The following PKD1L1 variants were observed in gnomAD, a reference collection of about 807,000 sequenced individuals.
The protein encoded by PKD1L1 is polycystin-1-like protein 1.
In PKD1L1, 236 loss-of-function variants were observed where a neutral mutation model predicts 323.4. That is an observed-to-expected ratio of 0.73 (90% CI 0.66 to 0.81). PKD1L1 has a LOEUF of 0.81. Ranked by LOEUF, PKD1L1 falls within the 40% of genes least tolerant of loss-of-function variation. The pLI, the probability that PKD1L1 is intolerant of heterozygous loss-of-function variation, is 0.00. For synonymous variants in PKD1L1, 1,344 were observed against 1,335.0 expected (o/e 1.01, Z -0.15); for missense variants, 3,320 against 3,508.0 (o/e 0.95, Z 1.35).
intron 7 of PKD1L1, among the ~76,000 whole-genome samples, chr7:47,918,146 T>C (rs1787467224): frequency 6.6e-6 from 1 of 152,232 alleles, no homozygotes; most frequent in African/African-American, 2.4e-5. Flanking sequence ...GAAAAAGACA[T>C]TTCATGTGAA....
At chr7:47,802,512 A>G (rs534851789) in intron 53 of PKD1L1, among the ~76,000 whole-genome samples, 56 of 152,188 alleles carry the variant, frequency 3.7e-4, no homozygotes, top group Admixed American at 1.9e-3. Context: ...CTGGAGCAGG[A>G]GACCTGTGCT....
chr7:47,817,602 C>T (rs1785047270), intron 46 of PKD1L1, among the ~76,000 whole-genome samples: 1 of 152,176 alleles, frequency 6.6e-6, no homozygotes, highest in Non-Finnish European at 1.5e-5. Flanking sequence ...GGCACGGTGG[C>T]TCAGGCCTAT....
In PKD1L1 at chr7:47,866,186, C is replaced by T. The variant is rs1428081515; in HGVS notation, c.4092+233G>A. 5.3e-5 allele frequency among the ~76,000 whole-genome samples: 8 copies of T among 152,328 alleles called. No individual in the cohort carries two copies. The South Asian group carries it at 8.3e-4, about 16-fold the overall frequency. ...ACTTCAGCAGAATTATCTGTAACAA[C>T]GATTGACTTGGTCATTCTCTCTTTT... On this transcript the variant is annotated intron_variant, in intron 25 of 56. Coordinates refer to ENST00000289672, the MANE Select transcript of PKD1L1 (RefSeq NM_138295.5).
At position 47,834,322 on chromosome 7, in the gene PKD1L1, C is replaced by T. The variant is rs1785410529; in HGVS notation, c.6174+17G>A. 1.2e-6 allele frequency: 2 copies of T among 1,611,170 alleles called. No individual in the cohort carries two copies. The highest frequency in any genetic ancestry group is 8.5e-7 in the Non-Finnish European group (1 of 1,177,470). On this transcript the variant is annotated intron_variant, in intron 40 of 56. Transcript: ENST00000289672. Reference sequence around the variant, plus strand: ...TCATGCTAGAAGATTAGCTGCTGCGCATAATGATTGATTTACCTTGCGTGG... The same window carrying T: ...TCATGCTAGAAGATTAGCTGCTGCGTATAATGATTGATTTACCTTGCGTGG...
At chr7:47,778,928 G>A (rs371027942) in intron 56 of PKD1L1, among the ~76,000 whole-genome samples, 8 of 152,246 alleles carry the variant, frequency 5.3e-5, no homozygotes, top group South Asian at 2.1e-4. Context: ...AGACACTGGC[G>A]ATCATATCGT....
chr7:47,866,305 A>C (rs1786167397), intron 25 of PKD1L1, 114 bp downstream of exon 25: 7 of 1,156,620 alleles, frequency 6.1e-6, no homozygotes, highest in Non-Finnish European at 8.5e-6. Context: ...TCTTGGTCTC[A>C]TTTCTTGCCT....
At chr7:47,880,470 G>T (rs964731425) in intron 21 of PKD1L1, among the ~76,000 whole-genome samples, 63 of 150,242 alleles carry the variant, frequency 4.2e-4, no homozygotes, top group African/African-American at 1.4e-3. Flanking sequence ...TTTTAGTAGA[G>T]ATGGGGTTTC....
At position 47,781,831 on chromosome 7, in the gene PKD1L1, T is replaced by G. The variant is rs554420030; in HGVS notation, c.8527-6665A>C. ...GTTCATGATCCATTTTGAATTATTT[T>G]TGTATATGGTATGAGGTATAGGTAC... On this transcript the variant is annotated intron_variant, in intron 56 of 56. Coordinates refer to ENST00000289672, the MANE Select transcript of PKD1L1 (RefSeq NM_138295.5). 4.6e-5 allele frequency among the ~76,000 whole-genome samples: 7 copies of G among 152,336 alleles called. No homozygotes were observed. In the South Asian group the frequency reaches 1.4e-3, roughly 32 times the overall value.
intron 8 of PKD1L1, among the ~76,000 whole-genome samples, chr7:47,910,335 C>CTTTTTTTT (rs764658101): frequency 7.3e-6 from 1 of 137,540 alleles, no homozygotes. Flanking sequence ...ATCTTACTTT[C>CTTTTTTTT]TTTTTTTTTT....
At chr7:47,837,631 A>G (rs893106681) in intron 36 of PKD1L1, among the ~76,000 whole-genome samples, 1 of 152,136 alleles carries the variant, frequency 6.6e-6, no homozygotes, top group Non-Finnish European at 1.5e-5. Flanking sequence ...TTCCCTGGCA[A>G]CATAGTTAAT....
intron 46 of PKD1L1, chr7:47,817,898 G>T: frequency 1.5e-6 from 1 of 676,082 alleles, no homozygotes; most frequent in Non-Finnish European, 2.1e-6. Context: ...GCATGTATGA[G>T]TAAAAGTCTA....
chr7:47,916,235 T>C (rs536105065), intron 7 of PKD1L1, among the ~76,000 whole-genome samples: 46 of 152,278 alleles, frequency 3.0e-4, no homozygotes, highest in African/African-American at 9.9e-4. Context: ...AACTGGAAAA[T>C]TGGACTATTT....
chr7:47,944,070 G>A (rs1055229680), intron 1 of PKD1L1, among the ~76,000 whole-genome samples: 1 of 152,170 alleles, frequency 6.6e-6, no homozygotes, highest in Non-Finnish European at 1.5e-5. Context: ...GAGAGGTTCC[G>A]TGCAGTTACT....
In PKD1L1 at chr7:47,840,600, C is replaced by A; in HGVS notation, c.5446-33G>T. 6.6e-7 allele frequency: 1 copy of A among 1,515,658 alleles called. No individual in the cohort carries two copies. The highest frequency in any genetic ancestry group is 9.2e-7 in the Non-Finnish European group (1 of 1,091,936). The allele number at this position is 1,515,658 out of a possible 1,614,324, so 93.9% of individuals were successfully genotyped here. The stretch of plus-strand genomic sequence containing the variant: ...CAAAGAACAGGGGTGGGAACTCAGG[C>A]TATTTCACAGCAGACACCATGCAAT... On this transcript the variant is annotated intron_variant, in intron 34 of 56. Transcript: ENST00000289672. The surrounding 1 kb of genome is among the most constrained non-coding windows in gnomAD (Gnocchi z 4.1).
At chr7:47,880,280 A>ATTTTTTTTTTTT (rs1380647150) in intron 21 of PKD1L1, among the ~76,000 whole-genome samples, 25 of 71,526 alleles carry the variant, frequency 3.5e-4, no homozygotes, top group African/African-American at 6.0e-4. Flanking sequence ...ATATATATAT[A>ATTTTTTTTTTTT]TATATTTTTT....
At chr7:47,806,641 G>A (rs1313821357) in intron 52 of PKD1L1, among the ~76,000 whole-genome samples, 2 of 152,340 alleles carry the variant, frequency 1.3e-5, no homozygotes, top group East Asian at 3.9e-4. Flanking sequence ...TGTGGGGGAA[G>A]ACAGTAAACC....
At position 47,808,637 on chromosome 7, in the gene PKD1L1, C is replaced by T. The variant is rs76268118; in HGVS notation, c.7687-250G>A. Among the ~76,000 whole-genome samples the T allele has an allele frequency of 4.1e-3, 624 of 152,296 alleles. 2 individuals are homozygous for T. The highest frequency in any genetic ancestry group is 0.014 in the African/African-American group (601 of 41,558). ...GTTCCCAGGCTACAACCCTGTGCAG[C>T]GTGTTCCTGTACTGAATACTGAGGC... On this transcript the variant is annotated intron_variant, in intron 51 of 56. Transcript: ENST00000289672.
At chr7:47,922,454 C>A (rs985718098) in intron 7 of PKD1L1, among the ~76,000 whole-genome samples, 2 of 151,924 alleles carry the variant, frequency 1.3e-5, no homozygotes. Flanking sequence ...GTCATCCCGT[C>A]TAGGAAGTGA....
At chr7:47,949,995 G>C (rs1028285447), upstream of PKD1L1, among the ~76,000 whole-genome samples, 2 of 152,174 alleles carry the variant, frequency 1.3e-5, no homozygotes, top group Non-Finnish European at 2.9e-5. Context: ...TGTCCCCACT[G>C]TGCTTGTTGT....
Sources: allele counts gnomAD v4.1 joint callset (sites outside exome capture counted in the v4.1 genomes callset), GRCh38; gene constraint gnomAD v4.1.1; non-coding constraint Gnocchi (gnomAD v3.1); transcripts MANE v1.5; gene names NCBI Gene and HGNC (gene_info 2026-07-23, HGNC 2026-07-21).